The following SAMD4A variants were observed in gnomAD, a reference collection of about 807,000 sequenced individuals.
The protein encoded by SAMD4A is sterile alpha motif domain containing 4A.
SAMD4A carries 33 observed loss-of-function variants against 81.3 expected under a neutral mutation model. That is an observed-to-expected ratio of 0.41 (90% confidence interval 0.31 to 0.54). The LOEUF (loss-of-function observed/expected upper bound fraction) is 0.54, where lower values mean the gene tolerates loss of function less well. Among genes scored for constraint, SAMD4A ranks in the 20% least tolerant of loss-of-function variants. The pLI is 0.37. For synonymous variants in SAMD4A, 389 were observed against 382.1 expected (o/e 1.02, Z -0.21); for missense variants, 854 against 951.1 (o/e 0.90, Z 1.34).
chr14:54,727,469 G>A (rs900363284), intron 3 of SAMD4A, among the ~76,000 whole-genome samples: 1 of 152,074 alleles, frequency 6.6e-6, no homozygotes, highest in Non-Finnish European at 1.5e-5. Context: ...GATTACAGGG[G>A]TGAGCCACCA....
intron 2 of SAMD4A, among the ~76,000 whole-genome samples, chr14:54,638,326 TC>T (rs1242094425): frequency 1.3e-5 from 2 of 152,100 alleles, no homozygotes; most frequent in Admixed American, 6.5e-5. Flanking sequence ...GCATGGAATT[TC>T]CCCCATTTGT....
In SAMD4A at chr14:54,760,482, G is replaced by T; in HGVS notation, c.1498G>T (p.Val500Phe). The T allele has an allele frequency of 7.1e-7, 1 of 1,400,188 alleles. No individual in the cohort carries two copies. The allele number at this position is 1,400,188 out of a possible 1,614,324, so 86.7% of individuals were successfully genotyped here. Residue 500 changes from valine (V) to phenylalanine (F), a missense_variant, in exon 7 of 13, where the codon GTC becomes TTC. Coordinates refer to ENST00000554335, the MANE Select transcript of SAMD4A (RefSeq NM_015589.6). ...EGDLPGQFTR[V>F]MGKVCTQLLV... ...GGACCTCCCCGGGCAGTTCACACGC[G>T]TCATGGGGAAAGGTAGAGCCTCATT... is the stretch of plus-strand genomic sequence containing the variant.
At chr14:54,708,373 C>T (rs1032576242) in intron 3 of SAMD4A, among the ~76,000 whole-genome samples, 6 of 152,142 alleles carry the variant, frequency 3.9e-5, no homozygotes, top group African/African-American at 1.2e-4. Context: ...GTGTCATATA[C>T]GATGAGTTTG....
intron 6 of SAMD4A, among the ~76,000 whole-genome samples, chr14:54,752,722 G>C (rs1243805253): frequency 6.6e-6 from 1 of 152,154 alleles, no homozygotes; most frequent in African/African-American, 2.4e-5. Flanking sequence ...GGGCCCAGGG[G>C]ACCGGCACTC....
chr14:54,596,478 G>T (rs747087537), intron 2 of SAMD4A, among the ~76,000 whole-genome samples: 1 of 152,148 alleles, frequency 6.6e-6, no homozygotes, highest in Admixed American at 6.5e-5. Flanking sequence ...CCAGCTACTC[G>T]GGAAGCTGAG....
intron 2 of SAMD4A, among the ~76,000 whole-genome samples, chr14:54,665,994 A>T (rs2035749031): frequency 1.3e-5 from 2 of 152,336 alleles, no homozygotes; most frequent in South Asian, 4.1e-4. Context: ...TGTTTAAGAG[A>T]CAAATTGCTT....
Position 54,789,043 on chromosome 14 carries a change from T to C in SAMD4A, c.*99T>C, listed in dbSNP as rs910225995. On this transcript the variant is annotated 3_prime_UTR_variant, in exon 13 of 13. Transcript: ENST00000554335. Reference sequence around the variant, plus strand: ...TTGCACAGAATCCTCCAAGATACTTTGCAGCCTTTTTTCCCCCTGGTCCCT... The same window carrying C: ...TTGCACAGAATCCTCCAAGATACTTCGCAGCCTTTTTTCCCCCTGGTCCCT... 7.2e-7 allele frequency: 1 copy of C among 1,396,922 alleles called. No individual in the cohort carries two copies. The highest frequency in any genetic ancestry group is 1.0e-6 in the Non-Finnish European group (1 of 984,604). The allele number at this position is 1,396,922 out of a possible 1,614,324, so 86.5% of individuals were successfully genotyped here.
At chr14:54,637,479 AGCCAG>A (rs2035064016) in intron 2 of SAMD4A, among the ~76,000 whole-genome samples, 1 of 152,052 alleles carries the variant, frequency 6.6e-6, no homozygotes, top group African/African-American at 2.4e-5. Flanking sequence ...GAGCTCTAGA[AGCCAG>A]GTGAAGAAGG....
intron 3 of SAMD4A, among the ~76,000 whole-genome samples, chr14:54,712,519 G>A (rs2037016031): frequency 6.6e-6 from 1 of 152,064 alleles, no homozygotes; most frequent in Admixed American, 6.6e-5. Flanking sequence ...TTGTAAACAT[G>A]ACTCAGTGAT....
At chr14:54,779,076 T>C (rs1453264710) in intron 11 of SAMD4A, among the ~76,000 whole-genome samples, 1 of 151,788 alleles carries the variant, frequency 6.6e-6, no homozygotes, top group Non-Finnish European at 1.5e-5. Context: ...AGTCATAGAG[T>C]CAGGGTCCTC....
In SAMD4A at chr14:54,581,004, T is replaced by G. The variant is rs144829558; in HGVS notation, c.196+12892T>G. Among the ~76,000 whole-genome samples, 16 of 152,316 alleles carry G rather than the reference T, an allele frequency of 1.1e-4. No homozygotes were observed. In the East Asian group the frequency reaches 2.9e-3, roughly 28 times the overall value. On this transcript the variant is annotated intron_variant, in intron 2 of 12. Coordinates refer to ENST00000554335, the MANE Select transcript of SAMD4A (RefSeq NM_015589.6). ...CACGCTGTTACCAAGATACATGTGA[T>G]AAAGGCCAGAGGAAATAGATGCTGG... is the stretch of plus-strand genomic sequence containing the variant.
At chr14:54,766,463 A>G (rs1486126065) in intron 8 of SAMD4A, among the ~76,000 whole-genome samples, 1 of 152,186 alleles carries the variant, frequency 6.6e-6, no homozygotes, top group East Asian at 1.9e-4. Flanking sequence ...CCTGGAGCAC[A>G]GAGGAGCAGC....
chr14:54,742,925 A>C lies in SAMD4A; in HGVS notation c.979+5638A>C, dbSNP rs76971674. Among the ~76,000 whole-genome samples the C allele has an allele frequency of 2.4e-3, 373 of 152,336 alleles. 9 individuals are homozygous for C. The East Asian group carries it at 0.064, about 26-fold the overall frequency. ...CTTTCGTTAGATGAAACTTAGAAAA[A>C]CTTTTTCTCTCTGTAGTAAAGGAAA... On this transcript the variant is annotated intron_variant, in intron 4 of 12. Transcript: ENST00000554335.
intron 2 of SAMD4A, among the ~76,000 whole-genome samples, chr14:54,660,972 G>A (rs2035630950): frequency 6.6e-6 from 1 of 152,162 alleles, no homozygotes; most frequent in Non-Finnish European, 1.5e-5. Flanking sequence ...TTCTCTGGAG[G>A]GTTTTTCCAC....
At chr14:54,675,163 C>T (rs574001662) in intron 2 of SAMD4A, among the ~76,000 whole-genome samples, 6 of 151,958 alleles carry the variant, frequency 3.9e-5, no homozygotes, top group South Asian at 2.1e-4. Flanking sequence ...GTCAGGAGTT[C>T]GAGACCAGCT....
rs371323899 is a variant in SAMD4A at position 54,781,713 on chromosome 14, G to A, written c.2045-2824G>A. On this transcript the variant is annotated intron_variant, in intron 11 of 12. Transcript: ENST00000554335. ...TGAGATGGGCCCTCAGGGTTAACAG[G>A]AGCCACAGCAAGGGTTGGCCTGGTG... Among the ~76,000 whole-genome samples, 4 of 152,326 alleles carry A rather than the reference G, an allele frequency of 2.6e-5. No homozygotes were observed. In the East Asian group the frequency reaches 5.8e-4, roughly 22 times the overall value.
intron 2 of SAMD4A, among the ~76,000 whole-genome samples, chr14:54,590,738 C>G (rs1391977103): frequency 6.6e-6 from 1 of 152,204 alleles, no homozygotes; most frequent in East Asian, 1.9e-4. Context: ...GTGCTCCACA[C>G]ATGAGCTGTG....
rs146623523 is a variant in SAMD4A at position 54,569,484 on chromosome 14, T to C, written c.196+1372T>C. On this transcript the variant is annotated intron_variant, in intron 2 of 12. Transcript: ENST00000554335. ...AGGGCCACATTGAGGGAGATTCCAT[T>C]GAGCCCGAGCCTCCCAGCTCACACC... Among the ~76,000 whole-genome samples the C allele has an allele frequency of 2.4e-3, 367 of 152,280 alleles. 1 individual carries two copies. Among genetic ancestry groups the C allele is most frequent in the African/African-American group, 8.4e-3 (351 of 41,558 alleles).
At chr14:54,724,034 A>AAGGAAGGC (rs1566604922) in intron 3 of SAMD4A, among the ~76,000 whole-genome samples, 3 of 151,734 alleles carry the variant, frequency 2.0e-5, no homozygotes, top group Admixed American at 2.0e-4. Flanking sequence ...GGAAGGAAGG[A>AAGGAAGGC]AGGAAGGAAG....
Sources: gnomAD v4.1 joint callset for allele counts (sites outside exome capture counted in the v4.1 genomes callset) on GRCh38, gnomAD v4.1.1 for gene constraint, MANE v1.5 for transcripts, NCBI Gene and HGNC (gene_info 2026-07-23, HGNC 2026-07-21) for gene names.